GRIA4: variants seen among roughly 807,000 people sequenced by gnomAD.
The protein encoded by GRIA4 is glutamate receptor 4.
In GRIA4, 34 loss-of-function variants were observed where a neutral mutation model predicts 104.0. The observed-to-expected ratio is 0.33, with a 90% CI of 0.25 to 0.44. The LOEUF (loss-of-function observed/expected upper bound fraction) is 0.44. Ranked by LOEUF, GRIA4 falls within the 20% of genes least tolerant of loss-of-function variation. The pLI is 1.00. For missense variants in GRIA4, 750 were observed against 1,096.5 expected, an observed-to-expected ratio of 0.68 and a Z score of 4.46; for synonymous variants, 386 against 381.9, an observed-to-expected ratio of 1.01 and a Z score of -0.13.
chr11:105,861,635 C>G (rs1475054487), intron 4 of GRIA4, among the ~76,000 whole-genome samples: 1 of 152,000 alleles, frequency 6.6e-6, no homozygotes, highest in Non-Finnish European at 1.5e-5. Flanking sequence ...AGGGGAAAGT[C>G]AAACAGTTGT....
intron 3 of GRIA4, among the ~76,000 whole-genome samples, chr11:105,735,918 T>C (rs1210448108): frequency 6.6e-6 from 1 of 152,180 alleles, no homozygotes; most frequent in African/African-American, 2.4e-5. Context: ...TTAGAAAATT[T>C]AGTTTGGTAA....
chr11:105,974,622 T>C, intron 16 of GRIA4, 178 bp downstream of exon 16: 1 of 1,489,412 alleles, frequency 6.7e-7, no homozygotes, highest in Non-Finnish European at 9.2e-7. Flanking sequence ...TTGTGACCTG[T>C]CTGTCCAGTG....
At chr11:105,831,366 C>G (rs1482386455) in intron 4 of GRIA4, among the ~76,000 whole-genome samples, 1 of 151,954 alleles carries the variant, frequency 6.6e-6, no homozygotes, top group Non-Finnish European at 1.5e-5. Flanking sequence ...TGTCATTGGT[C>G]AAGACTAGTC....
intron 4 of GRIA4, among the ~76,000 whole-genome samples, chr11:105,766,350 T>A (rs781303587): frequency 4.6e-5 from 7 of 152,162 alleles, no homozygotes; most frequent in African/African-American, 1.2e-4. Flanking sequence ...CATTTAGAAT[T>A]TTCTACTATT....
intron 14 of GRIA4, among the ~76,000 whole-genome samples, chr11:105,960,824 G>T (rs181730212): frequency 3.3e-5 from 5 of 152,328 alleles, no homozygotes; most frequent in Middle Eastern, 6.8e-3. Context: ...CAGTTTCCCC[G>T]GATGGGTAGC....
chr11:105,813,284 A>G (rs1207189112), intron 4 of GRIA4, among the ~76,000 whole-genome samples: 1 of 152,088 alleles, frequency 6.6e-6, no homozygotes, highest in Non-Finnish European at 1.5e-5. Flanking sequence ...CTATTCAGAC[A>G]ATGGAATAAC....
chr11:105,902,255 T>C (rs1420184880), intron 7 of GRIA4, among the ~76,000 whole-genome samples: 1 of 152,182 alleles, frequency 6.6e-6, no homozygotes, highest in African/African-American at 2.4e-5. Context: ...ATCCATGTTT[T>C]AGTTTTTCTC....
chr11:105,945,541 CATTTGAAGGAAA>C, intron 14 of GRIA4: 1 of 698,858 alleles, frequency 1.4e-6, no homozygotes, highest in Non-Finnish European at 1.8e-6. Flanking sequence ...GGCTTCCATC[CATTTGAAGGAAA>C]CCCCTCCCCC....
intron 5 of GRIA4, among the ~76,000 whole-genome samples, chr11:105,862,851 C>T (rs941036272): frequency 6.6e-6 from 1 of 152,080 alleles, no homozygotes; most frequent in African/African-American, 2.4e-5. Context: ...TGAGCTTTGC[C>T]GTTGTATTAA....
At chr11:105,926,980 T>C (rs1315676125) in intron 13 of GRIA4, 41 bp downstream of exon 13, 9 of 1,419,344 alleles carry the variant, frequency 6.3e-6, no homozygotes, top group Non-Finnish European at 8.9e-6. Context: ...GTTTATCATT[T>C]TGAAATTCAG....
intron 4 of GRIA4, among the ~76,000 whole-genome samples, chr11:105,856,894 TTTACTC>T (rs1397509579): frequency 4.6e-5 from 7 of 152,136 alleles, no homozygotes; most frequent in Admixed American, 1.3e-4. Context: ...ATTCTCTACT[TTTACTC>T]TTGAGTGTTT....
At chr11:105,688,193 T>G (rs897029398) in intron 3 of GRIA4, among the ~76,000 whole-genome samples, 1 of 151,810 alleles carries the variant, frequency 6.6e-6, no homozygotes, top group Non-Finnish European at 1.5e-5. Flanking sequence ...TATCTATTTA[T>G]CTATATGCTA....
At chr11:105,950,714 A>G (rs1948435338) in intron 14 of GRIA4, among the ~76,000 whole-genome samples, 1 of 152,056 alleles carries the variant, frequency 6.6e-6, no homozygotes, top group South Asian at 2.1e-4. Flanking sequence ...CTGCCTTTCA[A>G]GTTTTTTCTC....
intron 3 of GRIA4, among the ~76,000 whole-genome samples, chr11:105,659,887 T>C (rs1453960440): frequency 1.3e-5 from 2 of 151,622 alleles, no homozygotes; most frequent in Non-Finnish European, 2.9e-5. Flanking sequence ...TAACTAATAT[T>C]CTCAGAAAAA....
intron 5 of GRIA4, among the ~76,000 whole-genome samples, chr11:105,874,044 T>C (rs981316229): frequency 1.3e-5 from 2 of 152,194 alleles, no homozygotes; most frequent in Non-Finnish European, 1.5e-5. Flanking sequence ...GTTTTCATAG[T>C]TTTAGGTCTT....
intron 14 of GRIA4, among the ~76,000 whole-genome samples, chr11:105,969,332 T>C (rs1276113898): frequency 6.6e-6 from 1 of 152,188 alleles, no homozygotes; most frequent in Non-Finnish European, 1.5e-5. Flanking sequence ...TAAAGGAATC[T>C]AGCCCTTGGA....
chr11:105,848,400 T>G (rs1210231506), intron 4 of GRIA4, among the ~76,000 whole-genome samples: 12 of 152,174 alleles, frequency 7.9e-5, no homozygotes, highest in Admixed American at 7.9e-4. Context: ...AACATTAAAA[T>G]ATAGTTTATT....
chr11:105,921,306 GGTGTGTGTGTGTGTGTGTGTGT>G (rs5794436), intron 11 of GRIA4, among the ~76,000 whole-genome samples: 1 of 138,766 alleles, frequency 7.2e-6, no homozygotes, highest in African/African-American at 2.7e-5. Flanking sequence ...ACCACACTTG[GGTGTGTGTGTGTGTGTGTGTGT>G]GTGTGTGTGT....
At chr11:105,627,394 G>A (rs1452576176) in intron 3 of GRIA4, among the ~76,000 whole-genome samples, 1 of 152,058 alleles carries the variant, frequency 6.6e-6, no homozygotes, top group Non-Finnish European at 1.5e-5. Flanking sequence ...GATAGGATAA[G>A]GATGTTATGC....
Sources: allele counts gnomAD v4.1 joint callset (sites outside exome capture counted in the v4.1 genomes callset), GRCh38; gene constraint gnomAD v4.1.1; transcripts MANE v1.5; gene names NCBI Gene and HGNC (gene_info 2026-07-23, HGNC 2026-07-21).